Variants in ZCCHC9 observed in about 807,000 individuals in gnomAD.
ZCCHC9 encodes the protein zinc finger CCHC-type containing 9.
Under a neutral mutation model 30.8 loss-of-function variants are expected in ZCCHC9, and 18 were observed. That is an observed-to-expected ratio of 0.58 (90% CI 0.40 to 0.87). The LOEUF (loss-of-function observed/expected upper bound fraction) is 0.87, where lower values mean the gene tolerates loss of function less well. Among genes scored for constraint, ZCCHC9 ranks in the 40% least tolerant of loss-of-function variants. ZCCHC9 has a pLI of 0.00. For synonymous variants in ZCCHC9, 94 were observed against 106.7 expected (o/e 0.88, Z 0.73); for missense variants, 279 against 331.2 (o/e 0.84, Z 1.22).
rs1758168892 is a variant in ZCCHC9, at chr5:81,308,673, A to G, written c.497A>G (p.Glu166Gly). Residue 166 changes from glutamate (E) to glycine (G), a missense_variant, in exon 3 of 6, where the codon GAA (glutamate) becomes GGA (glycine). Glu to Gly is a moderately conservative substitution (Grantham distance 98). Transcript: ENST00000407610. ...TACAGGTGTGGGTCCACAGAGCACG[A>G]AATAACCAAGTGTAAGGCTAAAGTA... ...ICYRCGSTEHEITKCKAKVDP... is the reference protein window; with the variant it reads ...ICYRCGSTEHGITKCKAKVDP... 1 of 1,613,310 alleles carries G rather than the reference A, an allele frequency of 6.2e-7. No individual in the cohort carries two copies. The highest frequency in any genetic ancestry group is 1.3e-5 in the African/African-American group (1 of 74,902).
intron 2 of ZCCHC9, among the ~76,000 whole-genome samples, chr5:81,305,499 C>T (rs544317300): frequency 3.6e-4 from 54 of 151,842 alleles, no homozygotes; most frequent in African/African-American, 1.1e-3. Flanking sequence ...GGCCCATGCC[C>T]GTGATCCCAG....
intron 2 of ZCCHC9, among the ~76,000 whole-genome samples, chr5:81,306,038 C>A (rs1435253806): frequency 3.3e-5 from 5 of 152,150 alleles, no homozygotes; most frequent in Non-Finnish European, 7.4e-5. Flanking sequence ...CAGAAGAATG[C>A]TGGGGGCAGC....
rs556921474 is a variant in ZCCHC9 at position 81,304,743 on chromosome 5, A to G, written c.-15A>G. The G allele has an allele frequency of 7.3e-5, 114 of 1,560,428 alleles. No individual in the cohort carries two copies. The East Asian group carries it at 2.6e-3, about 35-fold the overall frequency. ...TGCTTGTCTTAAAAATTGATAAGGTACCACTGATGAAATTATGACCAGGTG... is the reference window on the plus strand; with the variant it reads ...TGCTTGTCTTAAAAATTGATAAGGTGCCACTGATGAAATTATGACCAGGTG... On this transcript the variant is annotated splice_region_variant and 5_prime_UTR_variant, in exon 2 of 6. Coordinates refer to ENST00000407610, the MANE Select transcript of ZCCHC9 (RefSeq NM_001131035.2).
rs778004382 is a variant in ZCCHC9, at chr5:81,308,754, C to T, written c.535+43C>T. On this transcript the variant is annotated intron_variant, in intron 3 of 5. Coordinates refer to ENST00000407610, the MANE Select transcript of ZCCHC9 (RefSeq NM_001131035.2). ...TTTTTTGTTTTGTTCATGGGGAAAG[C>T]CAATAAATAGCACCTTGGGTATTTT... 1.9e-6 allele frequency: 3 copies of T among 1,577,966 alleles called. No individual in the cohort carries two copies. In the East Asian group the frequency reaches 6.8e-5, roughly 36 times the overall value.
chr5:81,309,021 A>G lies in ZCCHC9; in HGVS notation c.611A>G (p.Lys204Arg), dbSNP rs1310166607. 1.2e-6 allele frequency: 2 copies of G among 1,612,144 alleles called. No homozygotes were observed. The highest frequency in any genetic ancestry group is 1.1e-5 in the South Asian group (1 of 90,566). The part of the protein sequence containing the change: ...HLSRSCPDNP[K>R]GLYADGGGCK... Reference sequence around the variant, plus strand: ...TCTAGATCTTGTCCTGATAATCCCAAAGGACTCTATGCTGATGGTAAGTAC... The same window carrying G: ...TCTAGATCTTGTCCTGATAATCCCAGAGGACTCTATGCTGATGGTAAGTAC... Residue 204 changes from lysine (K) to arginine (R), a missense_variant, in exon 4 of 6, where the codon AAA becomes AGA. By Grantham distance (26) the Lys-to-Arg change is conservative. Transcript: ENST00000407610.
In ZCCHC9 at chr5:81,309,643, C is replaced by T. The variant is rs191976834; in HGVS notation, c.628+605C>T. ...CTTGTGTCATGTCCTGGGTTTCCCT[C>T]CTGGAGAAGTCCAGTGAAAAAGCAT... is the stretch of plus-strand genomic sequence containing the variant. On this transcript the variant is annotated intron_variant, in intron 4 of 5. Coordinates refer to ENST00000407610, the MANE Select transcript of ZCCHC9 (RefSeq NM_001131035.2). 2.9e-4 allele frequency among the ~76,000 whole-genome samples: 44 copies of T among 152,282 alleles called. 1 individual carries two copies. In the East Asian group the frequency reaches 8.1e-3, roughly 28 times the overall value.
chr5:81,304,737 T>TA lies in ZCCHC9; in HGVS notation c.-17-2dup, dbSNP rs781278935. The TA allele has an allele frequency of 1.3e-6, 2 of 1,539,114 alleles. No homozygotes were observed. Among genetic ancestry groups the TA allele is most frequent in the Admixed American group, 2.3e-5 (1 of 44,294 alleles). ...CACCCATGCTTGTCTTAAAAATTGA[T>TA]AAGGTACCACTGATGAAATTATGAC... On this transcript the variant is annotated splice_polypyrimidine_tract_variant and splice_region_variant and intron_variant, in intron 1 of 5. Transcript: ENST00000407610.
chr5:81,304,215 T>C (rs534819189), intron 1 of ZCCHC9: 1 of 152,526 alleles, frequency 6.6e-6, no homozygotes, highest in Admixed American at 6.5e-5. Flanking sequence ...TAAACACTTT[T>C]ATATGTTTTA....
chr5:81,304,133 T>C (rs888904624), intron 1 of ZCCHC9: 2 of 152,262 alleles, frequency 1.3e-5, no homozygotes, highest in African/African-American at 2.4e-5. Context: ...TTGAAGATGA[T>C]GTGAAATCAC....
chr5:81,311,463 T>TG (rs985718683), intron 5 of ZCCHC9, among the ~76,000 whole-genome samples, 184 bp downstream of exon 5: 14 of 152,144 alleles, frequency 9.2e-5, no homozygotes, highest in African/African-American at 3.1e-4. Context: ...ACTGAATAGT[T>TG]GGGGGAAAAA....
In ZCCHC9 at chr5:81,308,974, T is replaced by C; in HGVS notation, c.564T>C (p.Val188=). 6.2e-7 allele frequency: 1 copy of C among 1,613,520 alleles called. No individual in the cohort carries two copies. Among genetic ancestry groups the C allele is most frequent in the East Asian group, 2.2e-5 (1 of 44,822 alleles). ...LGEFPFAKCF[V]CGEMGHLSRS... ...AATTTCCTTTTGCAAAATGTTTTGT[T>C]TGTGGAGAAATGGGGCACCTGTCTA... Residue 188 remains valine (V), a synonymous_variant, in exon 4 of 6, where the codon GTT becomes GTC. Transcript: ENST00000407610.
In ZCCHC9 at chr5:81,304,816, C is replaced by T; in HGVS notation, c.59C>T (p.Ser20Leu). The T allele has an allele frequency of 6.2e-7, 1 of 1,613,480 alleles. No individual in the cohort carries two copies. Among genetic ancestry groups the T allele is most frequent in the South Asian group, 1.1e-5 (1 of 90,894 alleles). Reference sequence around the variant, plus strand: ...AACAAGAGACCCTTGCCTGCAACATCATGGGAGGACATGAAGAAGGGATCC... The same window carrying T: ...AACAAGAGACCCTTGCCTGCAACATTATGGGAGGACATGAAGAAGGGATCC... Reference protein sequence around the residue: ...TYNKRPLPATSWEDMKKGSFE... With the variant: ...TYNKRPLPATLWEDMKKGSFE... Residue 20 changes from serine to leucine, a missense_variant, in exon 2 of 6, where the codon TCA (serine) becomes TTA (leucine). Coordinates refer to ENST00000407610, the MANE Select transcript of ZCCHC9 (RefSeq NM_001131035.2).
chr5:81,309,568 G>T (rs958334407), intron 4 of ZCCHC9, among the ~76,000 whole-genome samples: 1 of 152,184 alleles, frequency 6.6e-6, no homozygotes, highest in Non-Finnish European at 1.5e-5. Context: ...TTAAGGCGGA[G>T]GTTGTTATCT....
At position 81,308,978 on chromosome 5, in the gene ZCCHC9, G is replaced by A; in HGVS notation, c.568G>A (p.Gly190Arg). ...EFPFAKCFVC[G>R]EMGHLSRSCP... ...TCCTTTTGCAAAATGTTTTGTTTGTGGAGAAATGGGGCACCTGTCTAGATC... is the reference window on the plus strand; with the variant it reads ...TCCTTTTGCAAAATGTTTTGTTTGTAGAGAAATGGGGCACCTGTCTAGATC... The change falls in exon 4 of 6, where the codon GGA (glycine) becomes AGA (arginine). Residue 190 changes from glycine (G) to arginine (R), a missense_variant. Physicochemically the swap from Gly to Arg is moderately radical, Grantham distance 125 (BLOSUM62 -2). Transcript: ENST00000407610. 4 of 1,613,392 alleles carry A rather than the reference G, an allele frequency of 2.5e-6. No homozygotes were observed. Among genetic ancestry groups the A allele is most frequent in the South Asian group, 1.1e-5 (1 of 90,950 alleles).
rs1182323698 is a variant in ZCCHC9 at position 81,309,186 on chromosome 5, G to A, written c.628+148G>A. ...TTATTTTTATCAAGTGCTATCATATGTACTAGGCTTTTTGTGCAATTTGAC... is the reference window on the plus strand; with the variant it reads ...TTATTTTTATCAAGTGCTATCATATATACTAGGCTTTTTGTGCAATTTGAC... On this transcript the variant is annotated intron_variant, in intron 4 of 5. Coordinates refer to ENST00000407610, the MANE Select transcript of ZCCHC9 (RefSeq NM_001131035.2). The A allele has an allele frequency of 1.3e-5, 7 of 548,022 alleles. No homozygotes were observed. The Admixed American group carries it at 2.3e-4, about 18-fold the overall frequency. The allele number at this position is 548,022 out of a possible 1,614,324, so 33.9% of individuals were successfully genotyped here.
At position 81,308,582 on chromosome 5, in the gene ZCCHC9, C is replaced by A. The variant is rs752584467; in HGVS notation, c.406C>A (p.Pro136Thr). ...CTAGGTGTGTTTCCATTGTAGAAAA[C>A]CTGGTCATGGAATTGCAGATTGCCC... is the stretch of plus-strand genomic sequence containing the variant. ...NAMVCFHCRK[P>T]GHGIADCPAA... Residue 136 changes from proline to threonine, a missense_variant, in exon 3 of 6, where the codon CCT (proline) becomes ACT (threonine). Pro to Thr is a conservative substitution (Grantham distance 38). Transcript: ENST00000407610. 1 of 1,612,472 alleles carries A rather than the reference C, an allele frequency of 6.2e-7. No homozygotes were observed. Among genetic ancestry groups the A allele is most frequent in the South Asian group, 1.1e-5 (1 of 90,894 alleles).
intron 5 of ZCCHC9, among the ~76,000 whole-genome samples, chr5:81,312,236 C>T (rs1454536422): frequency 6.6e-6 from 1 of 152,182 alleles, no homozygotes; most frequent in Non-Finnish European, 1.5e-5. Flanking sequence ...TTGCTGTTTA[C>T]AGACTCTTGG....
chr5:81,308,773 G>A (rs549403744), intron 3 of ZCCHC9, 62 bp downstream of exon 3: 12 of 1,551,076 alleles, frequency 7.7e-6, no homozygotes, highest in Non-Finnish European at 1.0e-5. Flanking sequence ...AGCACCTTGG[G>A]TATTTTTTTA....
chr5:81,311,164 C>T, intron 4 of ZCCHC9, 47 bp from the exon 5 acceptor site: 1 of 1,603,316 alleles, frequency 6.2e-7, no homozygotes, highest in Non-Finnish European at 8.5e-7. Flanking sequence ...TGTTAAAAAC[C>T]CCTTGCAAGT....
Sources: allele counts gnomAD v4.1 joint callset (sites outside exome capture counted in the v4.1 genomes callset), GRCh38; gene constraint gnomAD v4.1.1; transcripts MANE v1.5; gene names NCBI Gene and HGNC (gene_info 2026-07-23, HGNC 2026-07-21).